Variants in PCDH9 observed in about 807,000 individuals in gnomAD.
PCDH9 encodes the protein protocadherin 9, also known as protocadherin-9.
In PCDH9, 24 loss-of-function variants were observed where a neutral mutation model predicts 70.6. The observed-to-expected ratio is 0.34, with a 90% CI of 0.25 to 0.48. PCDH9 has a LOEUF of 0.48. Among genes scored for constraint, PCDH9 ranks in the 20% least tolerant of loss-of-function variants. The probability of loss-of-function intolerance (pLI) is 0.99; values close to 1 mark genes in which losing one functional copy is unlikely to be tolerated. For synonymous variants in PCDH9, 562 were observed against 558.5 expected (o/e 1.01, Z -0.09); for missense variants, 1,281 against 1,503.6 (o/e 0.85, Z 2.45).
chr13:66,847,527 A>G (rs2081233089), intron 3 of PCDH9, among the ~76,000 whole-genome samples: 1 of 152,212 alleles, frequency 6.6e-6, no homozygotes, highest in Non-Finnish European at 1.5e-5. Flanking sequence ...CAGTTCAACA[A>G]TTTCACAAAT....
Position 66,626,241 on chromosome 13 carries a change from C to T in PCDH9, c.3340+4969G>A, listed in dbSNP as rs116871358. ...GAATATAAAGAGGATAGATTCTGTG[C>T]CATGTTTGTTGAGCAGAACTCAGAG... is the stretch of plus-strand genomic sequence containing the variant. On this transcript the variant is annotated intron_variant, in intron 4 of 4. Coordinates refer to ENST00000377865, the MANE Select transcript of PCDH9 (RefSeq NM_203487.3). Among the ~76,000 whole-genome samples the T allele has an allele frequency of 4.2e-3, 636 of 152,140 alleles. 18 individuals are homozygous for T. The East Asian group carries it at 0.081, about 19-fold the overall frequency.
chr13:67,230,190 T>G lies in PCDH9; in HGVS notation c.-546A>C, dbSNP rs2089975041. 6.6e-6 allele frequency: 1 copy of G among 152,240 alleles called. No homozygotes were observed. Among genetic ancestry groups the G allele is most frequent in the Non-Finnish European group, 1.5e-5 (1 of 68,070 alleles). The allele number at this position is 152,240 out of a possible 1,614,324, so 9.4% of individuals were successfully genotyped here. ...GGTGATGATGATTCTCTGACAGCTA[T>G]CCGGGTGACAGTTGCCCGAAAAATT... is the stretch of plus-strand genomic sequence containing the variant. On this transcript the variant is annotated 5_prime_UTR_variant, in exon 1 of 5. Transcript: ENST00000377865.
At chr13:66,877,293 G>A (rs1034410241) in intron 3 of PCDH9, among the ~76,000 whole-genome samples, 112 of 150,612 alleles carry the variant, frequency 7.4e-4, no homozygotes, top group African/African-American at 2.5e-3. Context: ...AGAAATTATT[G>A]GAAATAGTAT....
At chr13:66,524,438 T>C (rs901708981) in intron 4 of PCDH9, among the ~76,000 whole-genome samples, 2 of 152,074 alleles carry the variant, frequency 1.3e-5, no homozygotes, top group Non-Finnish European at 2.9e-5. Context: ...ACTGAAATTT[T>C]AATGTGTAAT....
intron 2 of PCDH9, among the ~76,000 whole-genome samples, chr13:67,089,538 AT>A (rs1181705373): frequency 2.6e-5 from 4 of 152,024 alleles, no homozygotes; most frequent in African/African-American, 9.7e-5. Context: ...AGATAAACAT[AT>A]TTGGACTCTG....
chr13:66,919,861 T>C (rs2082612121), intron 2 of PCDH9, among the ~76,000 whole-genome samples: 1 of 151,144 alleles, frequency 6.6e-6, no homozygotes, highest in Admixed American at 6.6e-5. Context: ...TTTCAGTTAA[T>C]ATTAAAATTT....
chr13:66,558,280 G>A (rs1367117218), intron 4 of PCDH9, among the ~76,000 whole-genome samples: 3 of 152,058 alleles, frequency 2.0e-5, no homozygotes, highest in Non-Finnish European at 2.9e-5. Flanking sequence ...ACTTTTCAGA[G>A]ATCATTTTAC....
At chr13:66,727,824 A>C (rs1250028309) in intron 3 of PCDH9, among the ~76,000 whole-genome samples, 1 of 152,150 alleles carries the variant, frequency 6.6e-6, no homozygotes, top group Non-Finnish European at 1.5e-5. Context: ...GTGGGGTCTC[A>C]GTATTGAAGA....
At chr13:67,127,704 G>GTA (rs1239157007) in intron 2 of PCDH9, among the ~76,000 whole-genome samples, 6 of 123,858 alleles carry the variant, frequency 4.8e-5, no homozygotes, top group African/African-American at 1.8e-4. Flanking sequence ...GTGTGTGTAT[G>GTA]TGTGTGTGTG....
At chr13:66,451,912 T>C (rs1594003115) in intron 4 of PCDH9, among the ~76,000 whole-genome samples, 3 of 152,238 alleles carry the variant, frequency 2.0e-5, no homozygotes, top group Admixed American at 2.0e-4. Context: ...TAACTATCTT[T>C]TTCAATACTT....
intron 2 of PCDH9, among the ~76,000 whole-genome samples, chr13:67,111,850 C>A (rs1321285087): frequency 6.6e-6 from 1 of 152,084 alleles, no homozygotes; most frequent in Non-Finnish European, 1.5e-5. Flanking sequence ...CCACCACTGT[C>A]ATTTATTTTT....
chr13:66,370,327 T>C (rs949813428), intron 4 of PCDH9, among the ~76,000 whole-genome samples: 2 of 152,022 alleles, frequency 1.3e-5, no homozygotes, highest in Non-Finnish European at 2.9e-5. Context: ...CAAATACAGA[T>C]GGCTAATTAC....
At chr13:67,009,568 C>A (rs2139838013) in intron 2 of PCDH9, among the ~76,000 whole-genome samples, 1 of 152,082 alleles carries the variant, frequency 6.6e-6, no homozygotes, top group African/African-American at 2.4e-5. Context: ...ATGTTAAATT[C>A]TTTTTCATTT....
chr13:66,578,720 A>G (rs992355180), intron 4 of PCDH9, among the ~76,000 whole-genome samples: 1 of 152,112 alleles, frequency 6.6e-6, no homozygotes, highest in African/African-American at 2.4e-5. Context: ...TTAAACATCT[A>G]ATTTCTTGTA....
In PCDH9 at chr13:66,911,569, T is replaced by A. The variant is rs2082467103; in HGVS notation, c.3037-7964A>T. Reference sequence around the variant, plus strand: ...TGCAATTCTTTTAACCCAGTTGCTATGAGCACGCACTGAAATAAAATTTCC... The same window carrying A: ...TGCAATTCTTTTAACCCAGTTGCTAAGAGCACGCACTGAAATAAAATTTCC... On this transcript the variant is annotated intron_variant, in intron 2 of 4. Coordinates refer to ENST00000377865, the MANE Select transcript of PCDH9 (RefSeq NM_203487.3). Among the ~76,000 whole-genome samples, 3 of 152,194 alleles carry A rather than the reference T, an allele frequency of 2.0e-5. No homozygotes were observed. In the South Asian group the frequency reaches 6.2e-4, roughly 31 times the overall value.
rs188639587 is a variant in PCDH9 at position 67,159,022 on chromosome 13, G to C, written c.3036+66383C>G. On this transcript the variant is annotated intron_variant, in intron 2 of 4. Transcript: ENST00000377865. ...AGACAATTAGCCAGACACTGACCCAGTGTCACTATCTTTAATCTTCAAAAG... is the reference window on the plus strand; with the variant it reads ...AGACAATTAGCCAGACACTGACCCACTGTCACTATCTTTAATCTTCAAAAG... Among the ~76,000 whole-genome samples, 347 of 152,308 alleles carry C rather than the reference G, an allele frequency of 2.3e-3. 1 individual carries two copies. The highest frequency in any genetic ancestry group is 8.1e-3 in the African/African-American group (337 of 41,578).
intron 4 of PCDH9, among the ~76,000 whole-genome samples, chr13:66,606,374 T>A (rs1371487960): frequency 2.6e-5 from 4 of 152,064 alleles, no homozygotes; most frequent in Non-Finnish European, 4.4e-5. Flanking sequence ...TTCTCATGAA[T>A]CCTCCATTCC....
At chr13:67,182,927 T>A (rs529519207) in intron 2 of PCDH9, among the ~76,000 whole-genome samples, 2 of 152,218 alleles carry the variant, frequency 1.3e-5, no homozygotes, top group South Asian at 4.1e-4. Flanking sequence ...AAAATTACTA[T>A]CTTTTCAATC....
intron 3 of PCDH9, among the ~76,000 whole-genome samples, chr13:66,786,240 A>C (rs1253106643): frequency 6.6e-6 from 1 of 152,150 alleles, no homozygotes; most frequent in Non-Finnish European, 1.5e-5. Context: ...CACATGCATC[A>C]AGGAAAGCTA....
Sources: gnomAD v4.1 joint callset for allele counts (sites outside exome capture counted in the v4.1 genomes callset) on GRCh38, gnomAD v4.1.1 for gene constraint, MANE v1.5 for transcripts, NCBI Gene and HGNC (gene_info 2026-07-23, HGNC 2026-07-21) for gene names.